Variants in WDFY3 observed in about 807,000 individuals in gnomAD.
WDFY3 encodes WD repeat and FYVE domain-containing protein 3.
In WDFY3, 66 loss-of-function variants were observed where a neutral mutation model predicts 409.6. That is an observed-to-expected ratio of 0.16 (90% CI 0.13 to 0.20). WDFY3 has a LOEUF of 0.20. Ranked by LOEUF, WDFY3 falls within the 10% of genes least tolerant of loss-of-function variation. WDFY3 has a pLI of 1.00. For missense variants in WDFY3, 3,031 were observed against 4,298.1 expected, an observed-to-expected ratio of 0.71 and a Z score of 8.24; for synonymous variants, 1,521 against 1,537.1, an observed-to-expected ratio of 0.99 and a Z score of 0.25.
At chr4:84,918,364 C>A (rs1490373329) in intron 2 of WDFY3, among the ~76,000 whole-genome samples, 1 of 152,108 alleles carries the variant, frequency 6.6e-6, no homozygotes, top group African/African-American at 2.4e-5. Context: ...ATGACGACCT[C>A]TATGAACTGA....
intron 1 of WDFY3, among the ~76,000 whole-genome samples, chr4:84,959,111 C>T (rs752488800): frequency 1.3e-5 from 2 of 152,206 alleles, no homozygotes; most frequent in Non-Finnish European, 2.9e-5. Flanking sequence ...ATAGCGCTAT[C>T]ACCCAGCACT....
At chr4:84,792,701 A>G (rs1031995530) in intron 21 of WDFY3, among the ~76,000 whole-genome samples, 1 of 152,200 alleles carries the variant, frequency 6.6e-6, no homozygotes, top group African/African-American at 2.4e-5. Flanking sequence ...TAAAAATGAG[A>G]TAAGAGTTAG....
intron 3 of WDFY3, among the ~76,000 whole-genome samples, chr4:84,881,750 T>C (rs781162176): frequency 6.6e-6 from 1 of 151,872 alleles, no homozygotes; most frequent in African/African-American, 2.4e-5. Flanking sequence ...TAGCCAGGCA[T>C]GTTGTTGTAC....
At chr4:84,755,169 ATAAAG>A in intron 34 of WDFY3, 92 bp downstream of exon 34, 2 of 1,521,958 alleles carry the variant, frequency 1.3e-6, no homozygotes, top group Non-Finnish European at 1.8e-6. Flanking sequence ...CATGCAGTAA[ATAAAG>A]TAGTTATGTT....
At chr4:84,818,259 T>C (rs903065116) in intron 12 of WDFY3, among the ~76,000 whole-genome samples, 1 of 152,160 alleles carries the variant, frequency 6.6e-6, no homozygotes, top group African/African-American at 2.4e-5. Context: ...TGCTCACAAG[T>C]GATACTGTTC....
intron 24 of WDFY3, among the ~76,000 whole-genome samples, 162 bp from the exon 25 acceptor site, chr4:84,783,236 A>G (rs576353712): frequency 2.6e-5 from 4 of 152,324 alleles, no homozygotes; most frequent in South Asian, 2.1e-4. Flanking sequence ...GCTCATGCCT[A>G]TAATCCTAAC....
At chr4:84,883,985 T>A (rs556218891) in intron 3 of WDFY3, among the ~76,000 whole-genome samples, 1 of 152,266 alleles carries the variant, frequency 6.6e-6, no homozygotes, top group East Asian at 1.9e-4. Flanking sequence ...CAAAATTACA[T>A]GCTAAAAATT....
At chr4:84,823,477 C>G (rs1754385962) in intron 10 of WDFY3, among the ~76,000 whole-genome samples, 1 of 151,722 alleles carries the variant, frequency 6.6e-6, no homozygotes, top group Non-Finnish European at 1.5e-5. Flanking sequence ...TTCCATTTCT[C>G]AAAAGATGCG....
chr4:84,713,703 A>G (rs1413873013), intron 50 of WDFY3, among the ~76,000 whole-genome samples: 1 of 152,192 alleles, frequency 6.6e-6, no homozygotes, highest in Non-Finnish European at 1.5e-5. Context: ...GATCTGTATC[A>G]CCCTTCAAAG....
rs747576197 is a variant in WDFY3 at position 84,921,646 on chromosome 4, ATTTTTTTTTTTT to A, written c.-132+10612_-132+10623del. ...ATGGAACCAAGTCTCTATTGCTTTC[ATTTTTTTTTTTT>A]TTTTTTTTTTTTTTTTTGAGACGGA... On this transcript the variant is annotated intron_variant, in intron 2 of 67. Transcript: ENST00000295888. Among the ~76,000 whole-genome samples the A allele has an allele frequency of 8.9e-5, 7 of 78,672 alleles. No individual in the cohort carries two copies. In the East Asian group the frequency reaches 1.1e-3, roughly 12 times the overall value. The allele number at this position is 78,672 out of a possible 152,430, so 51.6% of individuals were successfully genotyped here.
rs1471437553 is a variant in WDFY3, at chr4:84,794,643, T to C, written c.3363A>G (p.Arg1121=). Residue 1121 remains arginine, a synonymous_variant, in exon 21 of 68, where the codon AGA becomes AGG. Coordinates refer to ENST00000295888, the MANE Select transcript of WDFY3 (RefSeq NM_014991.6). The stretch of plus-strand genomic sequence containing the variant: ...TTGCTCGGCGCACAACAGTAAGAAG[T>C]CTGACAGGGTGGTTATTTGGAGGAG... The part of the protein sequence containing the change: ...FSSPPNNHPV[R]LLTVVRRANS... The C allele has an allele frequency of 6.2e-7, 1 of 1,613,802 alleles. No homozygotes were observed. Among genetic ancestry groups the C allele is most frequent in the African/African-American group, 1.3e-5 (1 of 74,848 alleles).
chr4:84,790,923 C>A (rs187087640), intron 21 of WDFY3, among the ~76,000 whole-genome samples: 1 of 151,842 alleles, frequency 6.6e-6, no homozygotes, highest in East Asian at 1.9e-4. Flanking sequence ...TCACACCTGT[C>A]AGAATGGCTA....
intron 43 of WDFY3, 77 bp downstream of exon 43, chr4:84,734,966 A>G (rs1191771865): frequency 8.0e-7 from 1 of 1,246,662 alleles, no homozygotes; most frequent in Non-Finnish European, 1.2e-6. Context: ...AATGGGCAGA[A>G]AGATACCAGG....
At chr4:84,806,892 G>A (rs762519201) in intron 15 of WDFY3, among the ~76,000 whole-genome samples, 4 of 152,050 alleles carry the variant, frequency 2.6e-5, no homozygotes, top group Non-Finnish European at 4.4e-5. Flanking sequence ...TTACAGGTGC[G>A]AGCCACCGCA....
chr4:84,766,018 T>C lies in WDFY3; in HGVS notation c.4980A>G (p.Glu1660=). 1.9e-6 allele frequency: 3 copies of C among 1,613,956 alleles called. No individual in the cohort carries two copies. Among genetic ancestry groups the C allele is most frequent in the Admixed American group, 1.7e-5 (1 of 60,006 alleles). Residue 1660 remains glutamate, a synonymous_variant, in exon 32 of 68, where the codon GAA becomes GAG. Coordinates refer to ENST00000295888, the MANE Select transcript of WDFY3 (RefSeq NM_014991.6). Reference sequence around the variant, plus strand: ...CAAAACCCAGTGTCTTCACCAGTTCTTCACAAGCTCTATTCAAGACAGATG... The same window carrying C: ...CAAAACCCAGTGTCTTCACCAGTTCCTCACAAGCTCTATTCAAGACAGATG... The part of the protein sequence containing the change: ...EKTSINLQAC[E]ELVKTLGFDW...
chr4:84,957,466 T>TA (rs1464942035), intron 1 of WDFY3, among the ~76,000 whole-genome samples: 13 of 152,166 alleles, frequency 8.5e-5, no homozygotes, highest in Admixed American at 8.5e-4. Flanking sequence ...CCTCAAGTCT[T>TA]ACATCTTCTG....
chr4:84,728,118 GA>G (rs1395634961), intron 44 of WDFY3, among the ~76,000 whole-genome samples: 10 of 151,656 alleles, frequency 6.6e-5, no homozygotes, highest in Non-Finnish European at 1.2e-4. Flanking sequence ...TTTCCTTCAG[GA>G]AAAAAAGAAT....
chr4:84,898,391 T>C (rs758509061), intron 2 of WDFY3, among the ~76,000 whole-genome samples: 1 of 152,210 alleles, frequency 6.6e-6, no homozygotes, highest in Non-Finnish European at 1.5e-5. Flanking sequence ...CAAGTGCCAG[T>C]GCCCAAGCCC....
rs1176148462 is a variant in WDFY3 at position 84,829,195 on chromosome 4, A to G, written c.770-5T>C. 1.3e-6 allele frequency: 2 copies of G among 1,524,332 alleles called. No homozygotes were observed. Among genetic ancestry groups the G allele is most frequent in the Non-Finnish European group, 1.8e-6 (2 of 1,131,332 alleles). The allele number at this position is 1,524,332 out of a possible 1,614,324, so 94.4% of individuals were successfully genotyped here. ...ATGTAGATAAACACTCTTTCTCTGT[A>G]AGAATAGATAATTAAATAAATATGC... On this transcript the variant is annotated splice_region_variant and splice_polypyrimidine_tract_variant and intron_variant, in intron 8 of 67. Coordinates refer to ENST00000295888, the MANE Select transcript of WDFY3 (RefSeq NM_014991.6).
Sources: allele counts gnomAD v4.1 joint callset (sites outside exome capture counted in the v4.1 genomes callset), GRCh38; gene constraint gnomAD v4.1.1; transcripts MANE v1.5; gene names NCBI Gene and HGNC (gene_info 2026-07-23, HGNC 2026-07-21).